The following MDN1 variants were observed in gnomAD, a reference collection of about 807,000 sequenced individuals.
The protein encoded by MDN1 is midasin AAA ATPase 1.
Under a neutral mutation model 669.2 loss-of-function variants are expected in MDN1, and 266 were observed. The observed-to-expected ratio is 0.40, with a 90% CI of 0.36 to 0.44. MDN1 has a LOEUF of 0.44. Among genes scored for constraint, MDN1 ranks in the 20% least tolerant of loss-of-function variants. The pLI, the probability that MDN1 is intolerant of heterozygous loss-of-function variation, is 1.00. For missense variants in MDN1, 5,940 were observed against 6,754.0 expected (o/e 0.88, Z 4.22); for synonymous variants, 2,385 against 2,457.1 (o/e 0.97, Z 0.87).
rs781566401 is a variant in MDN1 at position 89,695,955 on chromosome 6, G to A, written c.9421C>T (p.Arg3141Trp). The change falls in exon 61 of 102, where the codon CGG (arginine) becomes TGG (tryptophan). Residue 3141 changes from arginine to tryptophan, a missense_variant. Arg to Trp is a moderately radical substitution (Grantham distance 101). Coordinates refer to ENST00000369393, the MANE Select transcript of MDN1 (RefSeq NM_014611.3). The surrounding 1 kb of genome is among the most constrained non-coding windows in gnomAD (Gnocchi z 4.1). ...AGCTCTGCTAGGCCTGCCAGGTGCC[G>A]GAACAGCACCTGCCCCTGGAGTTGG... ...DSQLQGQVLF[R>W]HLAGLAELLP... 7.4e-6 allele frequency: 12 copies of A among 1,610,986 alleles called. No homozygotes were observed. Among genetic ancestry groups the A allele is most frequent in the East Asian group, 4.5e-5 (2 of 44,840 alleles).
Position 89,790,335 on chromosome 6 carries a change from C to T in MDN1, c.922G>A (p.Val308Ile). 1.2e-6 allele frequency: 2 copies of T among 1,614,138 alleles called. No individual in the cohort carries two copies. Among genetic ancestry groups the T allele is most frequent in the Non-Finnish European group, 1.7e-6 (2 of 1,180,030 alleles). ...ALRSYVLVES[V>I]CKSLQTLAMA... ...GCCAGGGTCTGAAGACTTTTGCAGA[C>T]AGACTCAACCAGCACATAAGACCTA... The change falls in exon 6 of 102, where the codon GTC becomes ATC. Residue 308 changes from valine (V) to isoleucine (I), a missense_variant. Physicochemically the swap from Val to Ile is conservative, Grantham distance 29. Transcript: ENST00000369393.
chr6:89,732,452 G>A, intron 34 of MDN1, 105 bp downstream of exon 34: 1 of 934,364 alleles, frequency 1.1e-6, no homozygotes, highest in Non-Finnish European at 1.6e-6. Flanking sequence ...GAAATGTTCT[G>A]AGAAGTGATT....
chr6:89,779,720 A>G (rs1316014299), intron 11 of MDN1, among the ~76,000 whole-genome samples: 2 of 152,238 alleles, frequency 1.3e-5, no homozygotes, highest in African/African-American at 2.4e-5. Flanking sequence ...CAAAACATGT[A>G]TTACATTCAA....
chr6:89,730,786 C>G lies in MDN1; in HGVS notation c.5080G>C (p.Ala1694Pro), dbSNP rs934407956. Reference protein sequence around the residue: ...NELKIYDRMKAKEFTGIDNLW... With the variant: ...NELKIYDRMKPKEFTGIDNLW... Reference sequence around the variant, plus strand: ...TTATCTATTCCAGTGAATTCTTTGGCCTTCATTCTGTCATAAATCTTCAAC... The same window carrying G: ...TTATCTATTCCAGTGAATTCTTTGGGCTTCATTCTGTCATAAATCTTCAAC... Residue 1694 changes from alanine (A) to proline (P), a missense_variant, in exon 35 of 102, where the codon GCC (alanine) becomes CCC (proline). Ala to Pro is a conservative substitution (Grantham distance 27). Transcript: ENST00000369393. The G allele has an allele frequency of 6.2e-7, 1 of 1,614,044 alleles. No homozygotes were observed. The highest frequency in any genetic ancestry group is 8.5e-7 in the Non-Finnish European group (1 of 1,179,974).
intron 2 of MDN1, chr6:89,797,771 G>C (rs1584387827): frequency 3.1e-6 from 1 of 326,550 alleles, no homozygotes; most frequent in East Asian, 9.6e-5. Flanking sequence ...CAGGTCTAAG[G>C]CCTACTGCCA....
chr6:89,649,942 T>A, intron 97 of MDN1, 82 bp downstream of exon 97: 1 of 1,404,582 alleles, frequency 7.1e-7, no homozygotes, highest in Non-Finnish European at 1.0e-6. Flanking sequence ...AGCCATATCA[T>A]ATTTAAAGCA....
chr6:89,743,381 G>GAAGTAAGAATTCT, intron 30 of MDN1, 101 bp from the exon 31 acceptor site: 1 of 1,475,610 alleles, frequency 6.8e-7, no homozygotes, highest in Non-Finnish European at 9.3e-7. Context: ...GGCATTCTGA[G>GAAGTAAGAATTCT]GAAAGTAAGA....
intron 66 of MDN1, 93 bp from the exon 67 acceptor site, chr6:89,688,266 C>T (rs750508656): frequency 2.6e-6 from 3 of 1,158,760 alleles, no homozygotes; most frequent in Non-Finnish European, 2.5e-6. Context: ...AGATTCCCCC[C>T]AGTTCTCTAC....
chr6:89,678,289 G>A (rs906666798), intron 75 of MDN1, among the ~76,000 whole-genome samples: 6 of 151,860 alleles, frequency 4.0e-5, no homozygotes, highest in South Asian at 4.2e-4. Context: ...AGATCACACC[G>A]CTGCACTAAC....
At chr6:89,754,322 G>T in intron 20 of MDN1, 92 bp from the exon 21 acceptor site, 1 of 1,281,492 alleles carries the variant, frequency 7.8e-7, no homozygotes, top group South Asian at 1.5e-5. Context: ...ACATTTTTTA[G>T]ATCAGAAATG....
intron 62 of MDN1, among the ~76,000 whole-genome samples, chr6:89,693,613 C>A (rs945510190): frequency 6.6e-6 from 1 of 152,028 alleles, no homozygotes; most frequent in Non-Finnish European, 1.5e-5. Context: ...AGAAAATGCT[C>A]ATTAAAGTAT....
In MDN1 at chr6:89,787,859, G is replaced by A. The variant is rs1819048587; in HGVS notation, c.1329C>T (p.Thr443=). 6.2e-7 allele frequency: 1 copy of A among 1,611,796 alleles called. No homozygotes were observed. The highest frequency in any genetic ancestry group is 8.5e-7 in the Non-Finnish European group (1 of 1,178,990). ...KVAPGFQFFA[T]RRLLSCGGNW... Reference sequence around the variant, plus strand: ...GAAAGGTTACTAGTACATACCTCCTGGTTGCAAAAAACTGAAATCCAGGTG... The same window carrying A: ...GAAAGGTTACTAGTACATACCTCCTAGTTGCAAAAAACTGAAATCCAGGTG... Residue 443 remains threonine, a synonymous_variant, in exon 8 of 102, where the codon ACC becomes ACT. Coordinates refer to ENST00000369393, the MANE Select transcript of MDN1 (RefSeq NM_014611.3).
At chr6:89,762,164 C>A (rs1417444945) in intron 16 of MDN1, among the ~76,000 whole-genome samples, 155 bp downstream of exon 16, 1 of 152,128 alleles carries the variant, frequency 6.6e-6, no homozygotes, top group Non-Finnish European at 1.5e-5. Context: ...TGTGGAAATA[C>A]GTGAATAATG....
chr6:89,784,199 C>A (rs1231655204), intron 9 of MDN1, among the ~76,000 whole-genome samples: 1 of 151,908 alleles, frequency 6.6e-6, no homozygotes, highest in Non-Finnish European at 1.5e-5. Flanking sequence ...CACCTGTAAT[C>A]CCAGGTACTT....
intron 84 of MDN1, 79 bp from the exon 85 acceptor site, chr6:89,664,707 T>C: frequency 1.7e-6 from 2 of 1,148,384 alleles, no homozygotes; most frequent in East Asian, 2.5e-5. Flanking sequence ...AATGCCAAGG[T>C]TAATGGTGTA....
rs1416298917 is a variant in MDN1 at position 89,819,689 on chromosome 6, C to A, written c.-82G>T. On this transcript the variant is annotated 5_prime_UTR_variant, in exon 1 of 102. Coordinates refer to ENST00000369393, the MANE Select transcript of MDN1 (RefSeq NM_014611.3). ...CCCCAAGCCGCCGAGGTCCCAGTGCCCGAGCAGCCAGCAACTACGCCCGCA... is the reference window on the plus strand; with the variant it reads ...CCCCAAGCCGCCGAGGTCCCAGTGCACGAGCAGCCAGCAACTACGCCCGCA... 7 of 1,176,426 alleles carry A rather than the reference C, an allele frequency of 6.0e-6. No individual in the cohort carries two copies. The highest frequency in any genetic ancestry group is 8.7e-6 in the Non-Finnish European group (7 of 800,092). The allele number at this position is 1,176,426 out of a possible 1,614,324, so 72.9% of individuals were successfully genotyped here.
At chr6:89,809,993 TAAAAAAAAAAAAAAAAAA>T (rs61558155) in intron 1 of MDN1, among the ~76,000 whole-genome samples, 48 of 52,836 alleles carry the variant, frequency 9.1e-4, no homozygotes, top group African/African-American at 3.6e-3. Flanking sequence ...TCCGTTTCAC[TAAAAAAAAAAAAAAAAAA>T]AAAAAAAAAA....
chr6:89,778,177 T>C (rs1186854801), intron 11 of MDN1, among the ~76,000 whole-genome samples: 5 of 150,954 alleles, frequency 3.3e-5, no homozygotes, highest in African/African-American at 1.2e-4. Flanking sequence ...AATACAACAC[T>C]TAATATACAG....
intron 15 of MDN1, among the ~76,000 whole-genome samples, chr6:89,770,751 T>C (rs182063165): frequency 1.6e-3 from 246 of 152,216 alleles, no homozygotes; most frequent in Admixed American, 4.3e-3. Flanking sequence ...GATTCACCCA[T>C]CTAGGCCTCC....
Sources: gnomAD v4.1 joint callset for allele counts (sites outside exome capture counted in the v4.1 genomes callset) on GRCh38, gnomAD v4.1.1 for gene constraint, Gnocchi (gnomAD v3.1) non-coding constraint, MANE v1.5 for transcripts, NCBI Gene and HGNC (gene_info 2026-07-23, HGNC 2026-07-21) for gene names.